Variants in NBEA observed in about 807,000 individuals in gnomAD.
NBEA encodes the protein lysosomal-trafficking regulator 2.
A neutral mutation model predicts 343.4 loss-of-function variants in NBEA; 44 were observed. That is an observed-to-expected ratio of 0.13 (90% confidence interval 0.10 to 0.16). NBEA has a LOEUF of 0.16. Ranked by LOEUF, NBEA falls within the 10% of genes least tolerant of loss-of-function variation. The pLI is 1.00. For missense variants in NBEA, 2,555 were observed against 3,631.3 expected (o/e 0.70, Z 7.62); for synonymous variants, 1,175 against 1,238.7 (o/e 0.95, Z 1.08).
Position 35,342,923 on chromosome 13 carries a change from A to G in NBEA, c.5904-6185A>G, listed in dbSNP as rs993418909. ...CTAGAATTAAATACATTATATATCA[A>G]TAAGCACAATAAATATAAAAGGACT... is the stretch of plus-strand genomic sequence containing the variant. On this transcript the variant is annotated intron_variant, in intron 36 of 58. Coordinates refer to ENST00000379939, the MANE Select transcript of NBEA (RefSeq NM_001385012.1). 5.8e-4 allele frequency among the ~76,000 whole-genome samples: 89 copies of G among 152,146 alleles called. 1 individual carries two copies. The highest frequency in any genetic ancestry group is 2.0e-3 in the African/African-American group (83 of 41,542).
intron 38 of NBEA, among the ~76,000 whole-genome samples, chr13:35,424,883 A>G (rs1247966164): frequency 2.6e-5 from 4 of 151,708 alleles, no homozygotes; most frequent in African/African-American, 7.3e-5. Context: ...TCTTGGGAGG[A>G]TGTATGTGTC....
At chr13:35,472,636 A>C in intron 41 of NBEA, 100 bp downstream of exon 41, 6 of 1,152,256 alleles carry the variant, frequency 5.2e-6, no homozygotes, top group Non-Finnish European at 7.7e-6. Flanking sequence ...AGGGGAGCAC[A>C]TTCTCCTCTT....
chr13:35,528,667 C>A (rs73499825), intron 41 of NBEA, among the ~76,000 whole-genome samples: 2,131 of 152,206 alleles, frequency 0.014, 54 homozygotes, highest in African/African-American at 0.049. Context: ...CAGTACTGAG[C>A]AGACTAATGA....
At chr13:35,517,719 CCAAT>C (rs908545951) in intron 41 of NBEA, among the ~76,000 whole-genome samples, 1 of 152,138 alleles carries the variant, frequency 6.6e-6, no homozygotes, top group African/African-American at 2.4e-5. Flanking sequence ...CTTTGAATCT[CCAAT>C]CAATTTGTAC....
chr13:35,325,826 T>A (rs1050153789), intron 36 of NBEA, among the ~76,000 whole-genome samples: 1 of 152,066 alleles, frequency 6.6e-6, no homozygotes, highest in South Asian at 2.1e-4. Flanking sequence ...TTTAGTTAAT[T>A]TTTATATATG....
At chr13:35,156,285 A>T in intron 20 of NBEA, 79 bp downstream of exon 20, 2 of 1,353,460 alleles carry the variant, frequency 1.5e-6, no homozygotes, top group African/African-American at 1.5e-5. Flanking sequence ...ATTCATTTCA[A>T]ATCTTTTCCA....
intron 21 of NBEA, among the ~76,000 whole-genome samples, chr13:35,157,781 A>G (rs745530410): frequency 1.3e-5 from 2 of 152,064 alleles, no homozygotes; most frequent in Non-Finnish European, 2.9e-5. Flanking sequence ...ATAGTGAATT[A>G]AACTGTACAA....
In NBEA at chr13:35,182,349, AT is replaced by A; in HGVS notation, c.4663-6del. 6.3e-7 allele frequency: 1 copy of A among 1,587,480 alleles called. No individual in the cohort carries two copies. The highest frequency in any genetic ancestry group is 8.5e-7 in the Non-Finnish European group (1 of 1,171,138). On this transcript the variant is annotated splice_polypyrimidine_tract_variant and intron_variant, in intron 28 of 58. Transcript: ENST00000379939. The stretch of plus-strand genomic sequence containing the variant: ...GTTTGAGTGTTAAAACTGTCTTTTC[AT>A]TTTTCATAGGATGATAGCAAACAAG...
chr13:35,114,853 T>C (rs984574228), intron 13 of NBEA, among the ~76,000 whole-genome samples: 1 of 152,194 alleles, frequency 6.6e-6, no homozygotes, highest in African/African-American at 2.4e-5. Context: ...TGACTTGAAG[T>C]ATATACTTTT....
At chr13:35,163,954 G>A (rs950432906) in intron 23 of NBEA, among the ~76,000 whole-genome samples, 3 of 151,974 alleles carry the variant, frequency 2.0e-5, no homozygotes, top group Non-Finnish European at 4.4e-5. Flanking sequence ...TGAAAATTTT[G>A]AATTGGTTAT....
At chr13:35,464,246 T>C (rs1485420635) in intron 40 of NBEA, among the ~76,000 whole-genome samples, 1 of 152,252 alleles carries the variant, frequency 6.6e-6, no homozygotes, top group Non-Finnish European at 1.5e-5. Context: ...CTACAAAGTC[T>C]GACATTCAAG....
At chr13:35,390,029 TTTTG>T (rs1202971712) in intron 38 of NBEA, among the ~76,000 whole-genome samples, 1 of 144,514 alleles carries the variant, frequency 6.9e-6, no homozygotes, top group African/African-American at 2.6e-5. Flanking sequence ...GATATATCGT[TTTTG>T]TTTTAGAACA....
In NBEA at chr13:35,672,422, A is replaced by G. The variant is rs1288331123; in HGVS notation, c.*1431A>G. On this transcript the variant is annotated 3_prime_UTR_variant, in exon 59 of 59. Coordinates refer to ENST00000379939, the MANE Select transcript of NBEA (RefSeq NM_001385012.1). The stretch of plus-strand genomic sequence containing the variant: ...ACTTATTTGTTATCCACCTTGTACT[A>G]GTAAGTTTTAGCACTGAATTCCTTC... 6.6e-6 allele frequency: 1 copy of G among 152,640 alleles called. No individual in the cohort carries two copies. The allele number at this position is 152,640 out of a possible 1,614,324, so 9.5% of individuals were successfully genotyped here.
intron 35 of NBEA, among the ~76,000 whole-genome samples, chr13:35,298,822 G>C (rs947052754): frequency 6.6e-6 from 1 of 151,418 alleles, no homozygotes; most frequent in East Asian, 1.9e-4. Flanking sequence ...CTATTATATC[G>C]GTAATCTTCT....
intron 45 of NBEA, among the ~76,000 whole-genome samples, chr13:35,571,831 A>G (rs2080442039): frequency 6.6e-6 from 1 of 152,208 alleles, no homozygotes; most frequent in Non-Finnish European, 1.5e-5. Flanking sequence ...CACTAAGGTT[A>G]TATTAAATGT....
chr13:35,652,739 G>C (rs1397650439), intron 53 of NBEA, among the ~76,000 whole-genome samples: 20 of 108,380 alleles, frequency 1.8e-4, no homozygotes, highest in Admixed American at 1.0e-3. Flanking sequence ...CTGTCGCCCA[G>C]GCTGGAGTAC....
chr13:35,505,786 C>A (rs2077051285), intron 41 of NBEA, among the ~76,000 whole-genome samples: 1 of 151,938 alleles, frequency 6.6e-6, no homozygotes, highest in South Asian at 2.1e-4. Flanking sequence ...TTTAAAAGTT[C>A]TTTGTGTTTT....
intron 48 of NBEA, among the ~76,000 whole-genome samples, chr13:35,621,934 C>A (rs2153061280): frequency 6.6e-6 from 1 of 152,284 alleles, no homozygotes; most frequent in African/African-American, 2.4e-5. Context: ...TGGCAATCAT[C>A]CCATTCATTT....
intron 38 of NBEA, among the ~76,000 whole-genome samples, chr13:35,430,299 C>T (rs754466680): frequency 6.6e-6 from 1 of 151,984 alleles, no homozygotes; most frequent in Admixed American, 6.6e-5. Flanking sequence ...GCCCACTTTT[C>T]GATGGGATTG....
Sources: gnomAD v4.1 joint callset for allele counts (sites outside exome capture counted in the v4.1 genomes callset) on GRCh38, gnomAD v4.1.1 for gene constraint, MANE v1.5 for transcripts, NCBI Gene and HGNC (gene_info 2026-07-23, HGNC 2026-07-21) for gene names.